Variants in FMO1 observed in about 807,000 individuals in gnomAD.
FMO1 encodes flavin-containing monooxygenase 1.
A neutral mutation model predicts 45.4 loss-of-function variants in FMO1; 36 were observed. That is an observed-to-expected ratio of 0.79 (90% CI 0.61 to 1.05). The LOEUF (loss-of-function observed/expected upper bound fraction) is 1.05, where lower values mean the gene tolerates loss of function less well. Ranked by LOEUF, FMO1 falls within the 50% of genes least tolerant of loss-of-function variation. FMO1 has a pLI of 0.00. For missense variants in FMO1, 615 were observed against 640.3 expected, an observed-to-expected ratio of 0.96 and a Z score of 0.43; for synonymous variants, 228 against 227.2, an observed-to-expected ratio of 1.00 and a Z score of -0.03.
chr1:171,275,967 T>A (rs1661090345), intron 4 of FMO1, among the ~76,000 whole-genome samples: 1 of 152,136 alleles, frequency 6.6e-6, no homozygotes, highest in African/African-American at 2.4e-5. Flanking sequence ...AGATTAGAGG[T>A]TTACGGCACT....
intron 5 of FMO1, among the ~76,000 whole-genome samples, chr1:171,279,625 C>T (rs1661271709): frequency 6.6e-6 from 1 of 152,150 alleles, no homozygotes; most frequent in Non-Finnish European, 1.5e-5. Flanking sequence ...TGTACCACTA[C>T]CCAAGGTCAC....
intron 3 of FMO1, chr1:171,270,368 G>T (rs1201801082): frequency 6.3e-6 from 1 of 157,808 alleles, no homozygotes; most frequent in African/African-American, 2.4e-5. Context: ...GTAGACAAAA[G>T]CTTTTTATTA....
intron 1 of FMO1, 99 bp downstream of exon 1, chr1:171,248,722 T>A (rs981076901): frequency 2.0e-5 from 3 of 152,038 alleles, no homozygotes. Context: ...AACCACCTTA[T>A]CAGAAAGCAG....
intron 1 of FMO1, among the ~76,000 whole-genome samples, chr1:171,249,867 T>C (rs1659806468): frequency 6.6e-6 from 1 of 152,134 alleles, no homozygotes; most frequent in Admixed American, 6.6e-5. Flanking sequence ...ATTGATACAA[T>C]GCTAGCCTCA....
At chr1:171,252,581 G>A (rs28384824) in intron 1 of FMO1, among the ~76,000 whole-genome samples, 5 of 152,166 alleles carry the variant, frequency 3.3e-5, no homozygotes, top group East Asian at 1.9e-4. Context: ...GCTGAGAGTC[G>A]GTGATGCTGC....
chr1:171,251,189 A>G (rs61815430), intron 1 of FMO1, among the ~76,000 whole-genome samples: 2 of 152,146 alleles, frequency 1.3e-5, no homozygotes, highest in Non-Finnish European at 2.9e-5. Context: ...ATTACCCTCT[A>G]ACGGTGTTGA....
Position 171,282,077 on chromosome 1 carries a change from C to A in FMO1, c.927C>A (p.Asn309Lys), listed in dbSNP as rs746472192. 1.2e-6 allele frequency: 2 copies of A among 1,613,450 alleles called. No individual in the cohort carries two copies. Among genetic ancestry groups the A allele is most frequent in the Admixed American group, 1.7e-5 (1 of 59,972 alleles). Reference sequence around the variant, plus strand: ...CAAGCATAAAAGAGGTAAAGGAAAACTCTGTCATATTTAACAATACTTCAA... The same window carrying A: ...CAAGCATAAAAGAGGTAAAGGAAAAATCTGTCATATTTAACAATACTTCAA... ...IRPSIKEVKE[N>K]SVIFNNTSKE... is the part of the protein sequence containing the mutation. The change falls in exon 7 of 9, where the codon AAC becomes AAA. Residue 309 changes from asparagine to lysine, a missense_variant. Coordinates refer to ENST00000617670, the MANE Select transcript of FMO1 (RefSeq NM_001282693.2).
In FMO1 at chr1:171,275,443, T is replaced by C. The variant is rs1661068309; in HGVS notation, c.419T>C (p.Phe140Ser). 1.2e-6 allele frequency: 2 copies of C among 1,613,656 alleles called. No individual in the cohort carries two copies. The highest frequency in any genetic ancestry group is 8.5e-7 in the Non-Finnish European group (1 of 1,179,584). Reference sequence around the variant, plus strand: ...GAAGAGAAGCAAGAGTCAGCCATCTTTGATGCTGTCATGGTCTGCACTGGC... The same window carrying C: ...GAAGAGAAGCAAGAGTCAGCCATCTCTGATGCTGTCATGGTCTGCACTGGC... ...MHEEKQESAI[F>S]DAVMVCTGFL... Residue 140 changes from phenylalanine (F) to serine (S), a missense_variant, in exon 4 of 9, where the codon TTT becomes TCT. Coordinates refer to ENST00000617670, the MANE Select transcript of FMO1 (RefSeq NM_001282693.2).
chr1:171,271,523 A>C, intron 3 of FMO1: 1 of 864,210 alleles, frequency 1.2e-6, no homozygotes, highest in Non-Finnish European at 2.0e-6. Context: ...CTTCCCGACA[A>C]GTTTGCACAA....
Position 171,267,678 on chromosome 1 carries a change from T to A in FMO1, c.268T>A (p.Tyr90Asn). 1 of 1,614,066 alleles carries A rather than the reference T, an allele frequency of 6.2e-7. No individual in the cohort carries two copies. Among genetic ancestry groups the A allele is most frequent in the Non-Finnish European group, 8.5e-7 (1 of 1,179,958 alleles). ...NYVPNSQFLE[Y>N]LKMYANHFDL... is the part of the protein sequence containing the mutation. ...TGTGCCAAATTCTCAATTCCTGGAATATCTCAAAATGTATGCAAACCACTT... is the reference window on the plus strand; with the variant it reads ...TGTGCCAAATTCTCAATTCCTGGAAAATCTCAAAATGTATGCAAACCACTT... Residue 90 changes from tyrosine to asparagine, a missense_variant, in exon 3 of 9, where the codon TAT becomes AAT. Physicochemically the swap from Tyr to Asn is moderately radical, Grantham distance 143. Transcript: ENST00000617670.
At chr1:171,256,667 A>G (rs949482460) in intron 1 of FMO1, among the ~76,000 whole-genome samples, 8 of 152,162 alleles carry the variant, frequency 5.3e-5, no homozygotes, top group African/African-American at 1.9e-4. Flanking sequence ...TCATTAAAAA[A>G]AATTGAGCAT....
At position 171,270,117 on chromosome 1, in the gene FMO1, G is replaced by T. The variant is rs904886968; in HGVS notation, c.321+2386G>T. Among the ~76,000 whole-genome samples the T allele has an allele frequency of 9.2e-5, 14 of 152,258 alleles. No homozygotes were observed. In the South Asian group the frequency reaches 1.0e-3, roughly 11 times the overall value. ...AATATAACTGCCATTACATGGTAATGGGAGTTAAAGAATAGAGTCCTCATG... is the reference window on the plus strand; with the variant it reads ...AATATAACTGCCATTACATGGTAATTGGAGTTAAAGAATAGAGTCCTCATG... On this transcript the variant is annotated intron_variant, in intron 3 of 8. Coordinates refer to ENST00000617670, the MANE Select transcript of FMO1 (RefSeq NM_001282693.2).
chr1:171,280,937 TAAAC>T lies in FMO1; in HGVS notation c.782_785del (p.Asn261ThrfsTer10). 6.2e-7 allele frequency: 1 copy of T among 1,613,884 alleles called. No homozygotes were observed. The highest frequency in any genetic ancestry group is 8.5e-7 in the Non-Finnish European group (1 of 1,179,854). On this transcript the variant is annotated frameshift_variant, in exon 6 of 9. Coordinates refer to ENST00000617670, the MANE Select transcript of FMO1 (RefSeq NM_001282693.2). LOFTEE classifies it high-confidence loss of function. ...GTGACTTGGTTGATGGAGCGAAAGA[TAAAC>T]AACTGGCTCAATCATGCAAATTACG...
In FMO1 at chr1:171,278,809, G is replaced by A. The variant is rs746796373; in HGVS notation, c.565G>A (p.Val189Met). Reference protein sequence around the residue: ...PDIFKDKRVLVIGMGNSGTDI... With the variant: ...PDIFKDKRVLMIGMGNSGTDI... ...TATATTTAAGGACAAGAGAGTCCTTGTGATTGGAATGGGAAATTCTGGCAC... is the reference window on the plus strand; with the variant it reads ...TATATTTAAGGACAAGAGAGTCCTTATGATTGGAATGGGAAATTCTGGCAC... Residue 189 changes from valine (V) to methionine (M), a missense_variant, in exon 5 of 9, where the codon GTG becomes ATG. Coordinates refer to ENST00000617670, the MANE Select transcript of FMO1 (RefSeq NM_001282693.2). 6.2e-7 allele frequency: 1 copy of A among 1,612,994 alleles called. No individual in the cohort carries two copies. The highest frequency in any genetic ancestry group is 1.1e-5 in the South Asian group (1 of 90,956).
Position 171,280,883 on chromosome 1 carries a change from TG to T in FMO1, c.726del (p.Met242IlefsTer2). ...DMVFMTRFQN[M>X]LRNSLPTPIV... ...GTGTTCATGACACGCTTTCAGAACA[TG>T]TTGAGAAATTCCCTCCCAACCCCAA... On this transcript the variant is annotated frameshift_variant, in exon 6 of 9. Transcript: ENST00000617670. LOFTEE classifies it high-confidence loss of function. 2 of 1,613,962 alleles carry T rather than the reference TG, an allele frequency of 1.2e-6. No individual in the cohort carries two copies. Among genetic ancestry groups the T allele is most frequent in the Non-Finnish European group, 1.7e-6 (2 of 1,179,856 alleles).
Position 171,269,560 on chromosome 1 carries a change from C to A in FMO1, c.321+1829C>A, listed in dbSNP as rs12022180. ...AAATGCAAATGGAAAGAATCCAAGT[C>A]AAAATTATATAACAAAACAGCACTC... is the stretch of plus-strand genomic sequence containing the variant. On this transcript the variant is annotated intron_variant, in intron 3 of 8. Coordinates refer to ENST00000617670, the MANE Select transcript of FMO1 (RefSeq NM_001282693.2). Among the ~76,000 whole-genome samples, 364 of 152,168 alleles carry A rather than the reference C, an allele frequency of 2.4e-3. 6 individuals carry two copies. In the East Asian group the frequency reaches 0.033, roughly 14 times the overall value.
intron 1 of FMO1, among the ~76,000 whole-genome samples, chr1:171,253,656 G>A (rs1370785067): frequency 6.6e-6 from 1 of 152,128 alleles, no homozygotes; most frequent in Non-Finnish European, 1.5e-5. Flanking sequence ...AGCTACTCGG[G>A]AGGCTGAGGC....
rs533124267 is a variant in FMO1, at chr1:171,271,163, G to A, written c.321+3432G>A. The A allele has an allele frequency of 1.5e-5, 13 of 865,098 alleles. No homozygotes were observed. In the Admixed American group the frequency reaches 1.6e-4, roughly 11 times the overall value. 53.6% of individuals were successfully genotyped at this position (865,098 alleles called of 1,614,324 possible). A position where few individuals can be genotyped will look rare whatever the true frequency, so the allele number is the denominator to read the frequency against. On this transcript the variant is annotated intron_variant, in intron 3 of 8. Coordinates refer to ENST00000617670, the MANE Select transcript of FMO1 (RefSeq NM_001282693.2). ...AGCTTTGCAGCCTTCTTTTCACAAG[G>A]CTGCTTGTCTTCTGCAGCAGTGTTA... is the stretch of plus-strand genomic sequence containing the variant.
intron 3 of FMO1, 126 bp downstream of exon 3, chr1:171,267,857 T>TCATTA: frequency 1.5e-6 from 1 of 655,746 alleles, no homozygotes; most frequent in Non-Finnish European, 2.6e-6. Flanking sequence ...CACCTGGCTG[T>TCATTA]ATTTATTTTC....
Sources: allele counts gnomAD v4.1 joint callset (sites outside exome capture counted in the v4.1 genomes callset), GRCh38; gene constraint gnomAD v4.1.1; transcripts MANE v1.5; gene names NCBI Gene and HGNC (gene_info 2026-07-23, HGNC 2026-07-21).